Variants in LDLRAD3 observed in about 807,000 individuals in gnomAD.
The protein encoded by LDLRAD3 is low-density lipoprotein receptor class A domain-containing protein 3.
Under a neutral mutation model 29.4 loss-of-function variants are expected in LDLRAD3, and 20 were observed. The ratio of observed to expected loss-of-function variants is 0.68; its 90% CI spans 0.48 to 0.99. LDLRAD3 has a LOEUF of 0.99. Ranked by LOEUF, LDLRAD3 falls within the 50% of genes least tolerant of loss-of-function variation. The pLI is 0.00. For missense variants in LDLRAD3, 420 were observed against 454.3 expected (o/e 0.92, Z 0.69); for synonymous variants, 157 against 192.7 (o/e 0.81, Z 1.53).
At chr11:35,980,837 A>G (rs1851531473) in intron 1 of LDLRAD3, among the ~76,000 whole-genome samples, 1 of 152,258 alleles carries the variant, frequency 6.6e-6, no homozygotes, top group Non-Finnish European at 1.5e-5. Flanking sequence ...AGCCAAGAAC[A>G]AAGATATTTG....
At chr11:35,989,143 G>T (rs1340713761) in intron 1 of LDLRAD3, 2 of 152,134 alleles carry the variant, frequency 1.3e-5, no homozygotes, top group African/African-American at 4.8e-5. Context: ...TTTCCCCATT[G>T]TTTATTTTTG....
chr11:36,229,214 GAACCA>G lies in LDLRAD3; in HGVS notation c.857_861del (p.Asn286SerfsTer45). 6.2e-7 allele frequency: 1 copy of G among 1,613,896 alleles called. No homozygotes were observed. The highest frequency in any genetic ancestry group is 1.1e-5 in the South Asian group (1 of 91,062). On this transcript the variant is annotated frameshift_variant, in exon 6 of 6. Transcript: ENST00000315571. LOFTEE classifies it high-confidence loss of function. Reference sequence around the variant, plus strand: ...CCTACTCTTCTGACACGGAATCTCTGAACCAAGCCGACCTGCCCCCCTACCGCTCC... The same window carrying G: ...CCTACTCTTCTGACACGGAATCTCTGAGCCGACCTGCCCCCCTACCGCTCC...
At chr11:36,146,236 T>G (rs1854192304) in intron 4 of LDLRAD3, among the ~76,000 whole-genome samples, 1 of 152,236 alleles carries the variant, frequency 6.6e-6, no homozygotes, top group Admixed American at 6.5e-5. Context: ...CTTACCTCCC[T>G]GGATTATTTT....
chr11:36,159,231 C>A (rs370540718), intron 4 of LDLRAD3, among the ~76,000 whole-genome samples: 1 of 152,094 alleles, frequency 6.6e-6, no homozygotes, highest in Non-Finnish European at 1.5e-5. Context: ...ACTTAGGACA[C>A]GAAGGCCGAA....
At chr11:35,979,657 CT>C (rs1213355753) in intron 1 of LDLRAD3, among the ~76,000 whole-genome samples, 8 of 152,188 alleles carry the variant, frequency 5.3e-5, no homozygotes, top group African/African-American at 1.9e-4. Context: ...TTATTTGCCT[CT>C]TCTGAAGACA....
At position 36,131,091 on chromosome 11, in the gene LDLRAD3, A is replaced by G. The variant is rs567051790; in HGVS notation, c.454+32630A>G. Among the ~76,000 whole-genome samples, 28 of 152,296 alleles carry G rather than the reference A, an allele frequency of 1.8e-4. No individual in the cohort carries two copies. In the East Asian group the frequency reaches 5.4e-3, roughly 29 times the overall value. On this transcript the variant is annotated intron_variant, in intron 4 of 5. Coordinates refer to ENST00000315571, the MANE Select transcript of LDLRAD3 (RefSeq NM_174902.4). ...AAAGGGTGGCCAACCAGAGGAGCAG[A>G]TTTATCCACATTGGCATCAGAAAAA...
At chr11:35,946,636 T>A (rs1851060706) in intron 1 of LDLRAD3, among the ~76,000 whole-genome samples, 1 of 152,220 alleles carries the variant, frequency 6.6e-6, no homozygotes, top group African/African-American at 2.4e-5. Context: ...GAGACATTTC[T>A]AAAGGCAGCC....
At chr11:36,090,192 C>G (rs1016109381) in intron 3 of LDLRAD3, among the ~76,000 whole-genome samples, 1 of 152,062 alleles carries the variant, frequency 6.6e-6, no homozygotes, top group African/African-American at 2.4e-5. Context: ...TGGGGCAGAT[C>G]ATAAGAAGTT....
intron 4 of LDLRAD3, among the ~76,000 whole-genome samples, chr11:36,126,094 G>A (rs7117000): frequency 0.18 from 27,206 of 152,100 alleles, 2,473 homozygotes; most frequent in East Asian, 0.23. Context: ...GGAGGGCTCA[G>A]TCCTGCTTTC....
At chr11:36,015,496 T>A (rs1008547797) in intron 1 of LDLRAD3, among the ~76,000 whole-genome samples, 4 of 152,126 alleles carry the variant, frequency 2.6e-5, no homozygotes, top group Non-Finnish European at 4.4e-5. Flanking sequence ...TTAAGTAAAC[T>A]TTTTATAGAA....
intron 4 of LDLRAD3, among the ~76,000 whole-genome samples, chr11:36,113,120 T>C (rs4756281): frequency 0.23 from 34,758 of 152,118 alleles, 4,639 homozygotes; most frequent in Non-Finnish European, 0.29. Flanking sequence ...TTCTAGGGTT[T>C]CTTCTATGAT....
chr11:36,134,278 A>G (rs1853972859), intron 4 of LDLRAD3, among the ~76,000 whole-genome samples: 1 of 152,258 alleles, frequency 6.6e-6, no homozygotes. Context: ...TAAGATGTGT[A>G]AAGTGTTACT....
At chr11:35,981,347 C>G (rs2133157193) in intron 1 of LDLRAD3, among the ~76,000 whole-genome samples, 2 of 152,204 alleles carry the variant, frequency 1.3e-5, no homozygotes, top group East Asian at 3.9e-4. Flanking sequence ...GTCACTTAAC[C>G]TTCCTGGTCT....
intron 4 of LDLRAD3, among the ~76,000 whole-genome samples, chr11:36,137,760 A>G (rs1283586858): frequency 6.6e-6 from 1 of 152,196 alleles, no homozygotes; most frequent in Non-Finnish European, 1.5e-5. Context: ...TAATTCCACC[A>G]CATAATCCTA....
At chr11:36,044,648 C>T (rs1043120706) in intron 2 of LDLRAD3, among the ~76,000 whole-genome samples, 1 of 152,222 alleles carries the variant, frequency 6.6e-6, no homozygotes, top group Non-Finnish European at 1.5e-5. Flanking sequence ...CATTCATGAG[C>T]TCACATGGAA....
intron 2 of LDLRAD3, among the ~76,000 whole-genome samples, chr11:36,054,794 A>C (rs1590229562): frequency 1.5e-5 from 2 of 130,450 alleles, no homozygotes; most frequent in East Asian, 2.6e-4. Context: ...TGATGGGTAC[A>C]TGGATGGATG....
chr11:36,146,715 C>T (rs1265456035), intron 4 of LDLRAD3, among the ~76,000 whole-genome samples: 1 of 150,128 alleles, frequency 6.7e-6, no homozygotes, highest in Admixed American at 6.6e-5. Flanking sequence ...CCGTCTTCAC[C>T]TGGCATTCTC....
rs146701359 is a variant in LDLRAD3, at chr11:35,989,798, T to G, written c.46+45654T>G. ...AAGTTGTTTATCAGTTCTGGGAGCC[T>G]TTTGTTGGAGTCTTTAGGGTTCTCT... On this transcript the variant is annotated intron_variant, in intron 1 of 5. Coordinates refer to ENST00000315571, the MANE Select transcript of LDLRAD3 (RefSeq NM_174902.4). 5.1e-4 allele frequency among the ~76,000 whole-genome samples: 78 copies of G among 152,292 alleles called. No individual in the cohort carries two copies. In the East Asian group the frequency reaches 0.012, roughly 23 times the overall value.
intron 1 of LDLRAD3, among the ~76,000 whole-genome samples, chr11:35,992,293 G>A (rs1340290114): frequency 3.3e-5 from 5 of 152,176 alleles, no homozygotes; most frequent in African/African-American, 7.2e-5. Flanking sequence ...ATCACAAAGT[G>A]ATTTAACTAT....
Sources: gnomAD v4.1 joint callset for allele counts (sites outside exome capture counted in the v4.1 genomes callset) on GRCh38, gnomAD v4.1.1 for gene constraint, MANE v1.5 for transcripts, NCBI Gene and HGNC (gene_info 2026-07-23, HGNC 2026-07-21) for gene names.